The following CNTN3 variants were observed in gnomAD, a reference collection of about 807,000 sequenced individuals.
CNTN3 encodes contactin 3, also known as contactin-3.
Under a neutral mutation model 119.1 loss-of-function variants are expected in CNTN3, and 60 were observed. That is an observed-to-expected ratio of 0.50 (90% confidence interval 0.41 to 0.62). The LOEUF (loss-of-function observed/expected upper bound fraction) is 0.62. CNTN3 is among the 20% of genes least tolerant of loss of function. CNTN3 has a pLI of 0.00. For missense variants in CNTN3, 1,101 were observed against 1,242.4 expected, an observed-to-expected ratio of 0.89 and a Z score of 1.71; for synonymous variants, 450 against 438.7, an observed-to-expected ratio of 1.03 and a Z score of -0.32.
rs540326152 is a variant in CNTN3 at position 74,377,478 on chromosome 3, A to C, written c.455-6079T>G. On this transcript the variant is annotated intron_variant, in intron 5 of 22. Coordinates refer to ENST00000263665, the MANE Select transcript of CNTN3 (RefSeq NM_020872.3). The stretch of plus-strand genomic sequence containing the variant: ...ACAGCAAAATCTGTATCAAATCAGC[A>C]TTCTTTGGAGATTTCTCAAAATCAT... Among the ~76,000 whole-genome samples, 3 of 152,268 alleles carry C rather than the reference A, an allele frequency of 2.0e-5. No homozygotes were observed. The East Asian group carries it at 5.8e-4, about 29-fold the overall frequency.
At chr3:74,281,309 TGTG>T (rs984578041) in intron 20 of CNTN3, among the ~76,000 whole-genome samples, 1 of 152,046 alleles carries the variant, frequency 6.6e-6, no homozygotes, top group African/African-American at 2.4e-5. Flanking sequence ...CAGTGTAAGA[TGTG>T]GTATATTTTA....
intron 5 of CNTN3, among the ~76,000 whole-genome samples, chr3:74,397,377 T>G (rs373632142): frequency 6.1e-4 from 93 of 152,296 alleles, no homozygotes; most frequent in African/African-American, 2.1e-3. Context: ...TTTACATGCC[T>G]GCAAATACAT....
chr3:74,390,095 T>C (rs1037547122), intron 5 of CNTN3, among the ~76,000 whole-genome samples: 1 of 152,196 alleles, frequency 6.6e-6, no homozygotes, highest in Admixed American at 6.5e-5. Flanking sequence ...CGAGGAATTA[T>C]ATGCAATGAC....
chr3:74,461,992 G>C (rs943617320), intron 4 of CNTN3, among the ~76,000 whole-genome samples: 1 of 152,030 alleles, frequency 6.6e-6, no homozygotes, highest in Non-Finnish European at 1.5e-5. Context: ...GGTGGGGCCT[G>C]GTGGGAGTTG....
chr3:74,395,750 C>A (rs572193572), intron 5 of CNTN3, among the ~76,000 whole-genome samples: 8 of 152,118 alleles, frequency 5.3e-5, no homozygotes, highest in African/African-American at 1.4e-4. Context: ...TTGTGCTTTG[C>A]AGATATTGTG....
intron 11 of CNTN3, among the ~76,000 whole-genome samples, chr3:74,345,609 T>C (rs1226029353): frequency 2.0e-5 from 3 of 152,208 alleles, no homozygotes; most frequent in Non-Finnish European, 4.4e-5. Flanking sequence ...GAAGTAACCT[T>C]TAAAATTGAT....
At chr3:74,518,552 A>G (rs994865310) in intron 2 of CNTN3, among the ~76,000 whole-genome samples, 1 of 151,948 alleles carries the variant, frequency 6.6e-6, no homozygotes. Context: ...CCACAAACTC[A>G]CAAAGTTCCA....
chr3:74,391,639 T>G (rs1340648757), intron 5 of CNTN3, among the ~76,000 whole-genome samples: 2 of 142,000 alleles, frequency 1.4e-5, no homozygotes, highest in Non-Finnish European at 3.0e-5. Flanking sequence ...TGTTCTTGGC[T>G]CACTATAACC....
intron 20 of CNTN3, among the ~76,000 whole-genome samples, chr3:74,270,051 A>C (rs567161134): frequency 0.011 from 1,611 of 152,316 alleles, 17 homozygotes; most frequent in Non-Finnish European, 0.014. Context: ...AAAGCTTGCT[A>C]AGATACATGA....
chr3:74,586,429 A>T (rs1020589761), intron 1 of CNTN3, among the ~76,000 whole-genome samples: 4 of 152,136 alleles, frequency 2.6e-5, no homozygotes, highest in African/African-American at 7.2e-5. Context: ...TCTGTCTTTT[A>T]ACCTGCAATA....
chr3:74,274,136 C>T (rs1284405948), intron 20 of CNTN3, among the ~76,000 whole-genome samples: 2 of 151,882 alleles, frequency 1.3e-5, no homozygotes, highest in Non-Finnish European at 2.9e-5. Flanking sequence ...CGCCCATCCC[C>T]CCAGCAGCTA....
At chr3:74,450,507 T>G (rs1342233890) in intron 4 of CNTN3, among the ~76,000 whole-genome samples, 1 of 151,830 alleles carries the variant, frequency 6.6e-6, no homozygotes, top group South Asian at 2.1e-4. Flanking sequence ...GCCCTGTTTT[T>G]TTTTTTTTTT....
chr3:74,266,303 A>G (rs1399535230), intron 22 of CNTN3, among the ~76,000 whole-genome samples, 178 bp downstream of exon 22: 1 of 151,980 alleles, frequency 6.6e-6, no homozygotes, highest in Non-Finnish European at 1.5e-5. Flanking sequence ...TTTTCTCCCT[A>G]TTTTGCACCA....
chr3:74,436,736 C>T (rs994047863), intron 4 of CNTN3, among the ~76,000 whole-genome samples: 1 of 152,160 alleles, frequency 6.6e-6, no homozygotes, highest in African/African-American at 2.4e-5. Flanking sequence ...TTGGGCAAGA[C>T]AACCATAAAA....
At chr3:74,537,762 G>A (rs184630099) in intron 1 of CNTN3, among the ~76,000 whole-genome samples, 33 of 152,198 alleles carry the variant, frequency 2.2e-4, no homozygotes, top group African/African-American at 7.9e-4. Flanking sequence ...TCAGCAAGAA[G>A]TACATTAACA....
chr3:74,461,967 C>T lies in CNTN3; in HGVS notation c.358+24489G>A, dbSNP rs546996934. Among the ~76,000 whole-genome samples, 59 of 152,100 alleles carry T rather than the reference C, an allele frequency of 3.9e-4. 2 individuals carry two copies. In the South Asian group the frequency reaches 0.011, roughly 29 times the overall value. On this transcript the variant is annotated intron_variant, in intron 4 of 22. Transcript: ENST00000263665. ...CCAAATCTCATGTTGACTTGTAATG[C>T]CATTGGGGATTGGAGGTGGGGCCTG...
At chr3:74,609,532 T>C (rs1298468013) in intron 1 of CNTN3, among the ~76,000 whole-genome samples, 1 of 152,164 alleles carries the variant, frequency 6.6e-6, no homozygotes, top group Non-Finnish European at 1.5e-5. Context: ...ACAGACCACC[T>C]AAGCTCTTAG....
chr3:74,467,060 G>A (rs527863223), intron 4 of CNTN3, among the ~76,000 whole-genome samples: 21 of 151,788 alleles, frequency 1.4e-4, no homozygotes, highest in South Asian at 6.2e-4. Flanking sequence ...TTAAAGTTCC[G>A]AAGTACAATT....
At chr3:74,592,688 A>T (rs1704724832) in intron 1 of CNTN3, among the ~76,000 whole-genome samples, 1 of 151,954 alleles carries the variant, frequency 6.6e-6, no homozygotes, top group South Asian at 2.1e-4. Context: ...CTTCACAGTA[A>T]ATGTGGGTCA....
Sources: gnomAD v4.1 joint callset for allele counts (sites outside exome capture counted in the v4.1 genomes callset) on GRCh38, gnomAD v4.1.1 for gene constraint, MANE v1.5 for transcripts, NCBI Gene and HGNC (gene_info 2026-07-23, HGNC 2026-07-21) for gene names.